WDR17: variants seen among roughly 807,000 people sequenced by gnomAD.
The protein encoded by WDR17 is WD repeat domain 17.
WDR17 carries 143 observed loss-of-function variants against 161.7 expected under a neutral mutation model. The observed-to-expected ratio is 0.88, with a 90% CI of 0.77 to 1.02. WDR17 has a LOEUF of 1.02. WDR17 is among the 50% of genes least tolerant of loss of function. WDR17 has a pLI of 0.00. For missense variants in WDR17, 1,469 were observed against 1,520.9 expected (o/e 0.97, Z 0.57); for synonymous variants, 517 against 515.6 (o/e 1.00, Z -0.04).
rs1394241347 is a variant in WDR17 at position 176,131,682 on chromosome 4, G to A, written c.1042G>A (p.Gly348Ser). The change falls in exon 7 of 29, where the codon GGT (glycine) becomes AGT (serine). Residue 348 changes from glycine to serine, a missense_variant. Coordinates refer to ENST00000508596, the MANE Select transcript of WDR17 (RefSeq NM_181265.4). ...PGHAVCCFLD[G>S]GVGLYDMGAK... ...TCATGCAGTGTGTTGTTTCTTGGAT[G>A]GTGGAGTTGGACTTTATGATATGGG... The A allele has an allele frequency of 1.2e-6, 2 of 1,613,242 alleles. No individual in the cohort carries two copies. Among genetic ancestry groups the A allele is most frequent in the Non-Finnish European group, 1.7e-6 (2 of 1,179,664 alleles).
chr4:176,091,766 T>A, intron 1 of WDR17, among the ~76,000 whole-genome samples: 1 of 151,944 alleles, frequency 6.6e-6, no homozygotes, highest in Non-Finnish European at 1.5e-5. Context: ...CCTAAATAAA[T>A]TCAGAGATGA....
At chr4:176,135,487 C>G (rs953945542) in intron 8 of WDR17, among the ~76,000 whole-genome samples, 2 of 151,550 alleles carry the variant, frequency 1.3e-5, no homozygotes, top group African/African-American at 4.8e-5. Flanking sequence ...CTCTATATAA[C>G]AAGTCATGTA....
chr4:176,154,923 C>A (rs1247683182), intron 17 of WDR17, among the ~76,000 whole-genome samples: 1 of 152,080 alleles, frequency 6.6e-6, no homozygotes, highest in Non-Finnish European at 1.5e-5. Flanking sequence ...ATAACAGTAA[C>A]AATCAGCCTT....
chr4:176,170,991 T>C (rs1324001391), intron 23 of WDR17, among the ~76,000 whole-genome samples: 1 of 152,226 alleles, frequency 6.6e-6, no homozygotes, highest in African/African-American at 2.4e-5. Context: ...TACATTAGGC[T>C]ACAGTTGGAC....
intron 1 of WDR17, among the ~76,000 whole-genome samples, chr4:176,070,909 T>C (rs753172008): frequency 3.3e-5 from 5 of 152,180 alleles, no homozygotes; most frequent in Non-Finnish European, 5.9e-5. Flanking sequence ...CTTGCCAAAA[T>C]AATTTTTAAC....
At chr4:176,141,606 A>G (rs1745267356) in intron 10 of WDR17, among the ~76,000 whole-genome samples, 1 of 151,866 alleles carries the variant, frequency 6.6e-6, no homozygotes, top group African/African-American at 2.4e-5. Context: ...CTTTTTTTGT[A>G]TTTTTTGGTA....
intron 1 of WDR17, among the ~76,000 whole-genome samples, chr4:176,100,481 A>G (rs1737641929): frequency 6.6e-6 from 1 of 152,086 alleles, no homozygotes; most frequent in Non-Finnish European, 1.5e-5. Context: ...TATTCTGGAT[A>G]TTAGTCCCCT....
chr4:176,163,383 G>A, intron 22 of WDR17, 90 bp downstream of exon 22: 4 of 1,336,336 alleles, frequency 3.0e-6, no homozygotes, highest in Non-Finnish European at 2.0e-6. Flanking sequence ...ATATGCATTG[G>A]GAGAATATAG....
chr4:176,089,669 A>G (rs1363860901), intron 1 of WDR17, among the ~76,000 whole-genome samples: 1 of 152,096 alleles, frequency 6.6e-6, no homozygotes, highest in Non-Finnish European at 1.5e-5. Flanking sequence ...AGTATATATG[A>G]GTGTTGAGTG....
At chr4:176,152,250 G>A (rs1222236741) in intron 17 of WDR17, among the ~76,000 whole-genome samples, 6 of 136,762 alleles carry the variant, frequency 4.4e-5, no homozygotes, top group Non-Finnish European at 9.1e-5. Flanking sequence ...AGCTGTGATC[G>A]TACCACTGCA....
chr4:176,146,646 C>T (rs1458407486), intron 12 of WDR17, among the ~76,000 whole-genome samples: 2 of 152,022 alleles, frequency 1.3e-5, no homozygotes, highest in South Asian at 4.1e-4. Context: ...AGCCTAACTA[C>T]CTAACATGTC....
At chr4:176,101,744 T>A (rs967774855) in intron 1 of WDR17, among the ~76,000 whole-genome samples, 1 of 152,076 alleles carries the variant, frequency 6.6e-6, no homozygotes, top group Non-Finnish European at 1.5e-5. Flanking sequence ...TCAACTGATA[T>A]TTGATAAAGG....
intron 1 of WDR17, chr4:176,068,229 T>G (rs897059728): frequency 6.6e-6 from 1 of 152,198 alleles, no homozygotes; most frequent in African/African-American, 2.4e-5. Context: ...GATGGAAATA[T>G]TAAAGTGAAG....
chr4:176,179,468 G>A lies in WDR17; in HGVS notation c.3741G>A (p.Val1247=). The A allele has an allele frequency of 6.3e-7, 1 of 1,598,428 alleles. No homozygotes were observed. Among genetic ancestry groups the A allele is most frequent in the East Asian group, 2.3e-5 (1 of 44,122 alleles). The change falls in exon 29 of 29, where the codon GTG becomes GTA. Residue 1247 remains valine (V), a synonymous_variant. Coordinates refer to ENST00000508596, the MANE Select transcript of WDR17 (RefSeq NM_181265.4). The part of the protein sequence containing the change: ...CLTGLKIQGP[V]FFLEDGKSAI... The stretch of plus-strand genomic sequence containing the variant: ...CAACTCTCACTGTGCAGGGCCCTGT[G>A]TTTTTCCTTGAAGACGGGAAATCTG...
At chr4:176,168,349 A>G (rs1750193630) in intron 22 of WDR17, among the ~76,000 whole-genome samples, 1 of 152,116 alleles carries the variant, frequency 6.6e-6, no homozygotes, top group South Asian at 2.1e-4. Flanking sequence ...TTTATAATTC[A>G]CTCCAAAGAA....
At chr4:176,068,770 CT>C (rs1476190048) in intron 1 of WDR17, among the ~76,000 whole-genome samples, 1 of 152,088 alleles carries the variant, frequency 6.6e-6, no homozygotes, top group Non-Finnish European at 1.5e-5. Context: ...CGTGATTATT[CT>C]TTCATTGTTG....
intron 1 of WDR17, among the ~76,000 whole-genome samples, chr4:176,103,093 T>C (rs1738083914): frequency 6.6e-6 from 1 of 152,192 alleles, no homozygotes; most frequent in African/African-American, 2.4e-5. Flanking sequence ...TCAAGGGGAC[T>C]TAAAGGGCTG....
intron 4 of WDR17, among the ~76,000 whole-genome samples, chr4:176,122,812 C>T (rs759647850): frequency 1.3e-5 from 2 of 152,138 alleles, no homozygotes; most frequent in African/African-American, 2.4e-5. Context: ...GAGAACTAGC[C>T]ACGATAATGT....
chr4:176,146,080 A>G lies in WDR17; in HGVS notation c.1615A>G (p.Ser539Gly), dbSNP rs751968728. The G allele has an allele frequency of 1.9e-6, 3 of 1,614,098 alleles. No individual in the cohort carries two copies. In the Admixed American group the frequency reaches 5.0e-5, roughly 27 times the overall value. Reference sequence around the variant, plus strand: ...CTCAGATCAACCATTGAAAGTATTTAGTGGGCATACAGCAAAAGTGTTTCA... The same window carrying G: ...CTCAGATCAACCATTGAAAGTATTTGGTGGGCATACAGCAAAAGTGTTTCA... ...TSSDQPLKVF[S>G]GHTAKVFHVK... Residue 539 changes from serine to glycine, a missense_variant, in exon 12 of 29, where the codon AGT (serine) becomes GGT (glycine). By Grantham distance (56) the Ser-to-Gly change is moderately conservative. Coordinates refer to ENST00000508596, the MANE Select transcript of WDR17 (RefSeq NM_181265.4).
Sources: gnomAD v4.1 joint callset for allele counts (sites outside exome capture counted in the v4.1 genomes callset) on GRCh38, gnomAD v4.1.1 for gene constraint, MANE v1.5 for transcripts, NCBI Gene and HGNC (gene_info 2026-07-23, HGNC 2026-07-21) for gene names.